Variants in MAP2 observed in about 807,000 individuals in gnomAD.
MAP2 encodes microtubule associated protein 2.
Under a neutral mutation model 137.6 loss-of-function variants are expected in MAP2, and 14 were observed. The observed-to-expected ratio is 0.10, with a 90% CI of 0.07 to 0.16. MAP2 has a LOEUF of 0.16. MAP2 is among the 10% of genes least tolerant of loss of function. The pLI is 1.00. For synonymous variants in MAP2, 786 were observed against 782.3 expected, an observed-to-expected ratio of 1.00 and a Z score of -0.08; for missense variants, 2,088 against 2,191.5, an observed-to-expected ratio of 0.95 and a Z score of 0.94.
intron 11 of MAP2, 48 bp from the exon 12 acceptor site, chr2:209,705,532 A>G: frequency 6.6e-7 from 1 of 1,508,132 alleles, no homozygotes; most frequent in Non-Finnish European, 8.9e-7. Flanking sequence ...CTTCGTATAA[A>G]TTAAAGAGTT....
At chr2:209,467,160 T>C (rs1365876791) in intron 1 of MAP2, among the ~76,000 whole-genome samples, 2 of 152,242 alleles carry the variant, frequency 1.3e-5, no homozygotes, top group African/African-American at 4.8e-5. Flanking sequence ...TGTCACTTCT[T>C]ACCTTTGCTA....
chr2:209,652,639 T>A lies in MAP2; in HGVS notation c.-29-503T>A, dbSNP rs553019172. Among the ~76,000 whole-genome samples, 19 of 152,312 alleles carry A rather than the reference T, an allele frequency of 1.2e-4. No individual in the cohort carries two copies. In the South Asian group the frequency reaches 3.7e-3, roughly 30 times the overall value. On this transcript the variant is annotated intron_variant, in intron 4 of 15. Transcript: ENST00000682079. ...CTTTTCTAGATCTCACTAAAAGTCA[T>A]GATTTAAGAGAGTACATGGGATAAT...
chr2:209,506,801 C>G (rs962195021), intron 1 of MAP2, among the ~76,000 whole-genome samples: 2 of 152,120 alleles, frequency 1.3e-5, no homozygotes, highest in African/African-American at 4.8e-5. Context: ...TGATTGTCGA[C>G]CCAGGACTAA....
intron 1 of MAP2, among the ~76,000 whole-genome samples, chr2:209,457,985 T>A (rs72997604): frequency 2.6e-5 from 4 of 152,038 alleles, no homozygotes; most frequent in Admixed American, 1.3e-4. Context: ...GACTGCCAAC[T>A]TTTTTTTGTT....
At position 209,586,514 on chromosome 2, in the gene MAP2, G is replaced by A. The variant is rs78981630; in HGVS notation, c.-107+6414G>A. The stretch of plus-strand genomic sequence containing the variant: ...TAATTGAATACCTAATTCCATTCCC[G>A]TTTCCTGCCCTTATGGAACTTTCCT... On this transcript the variant is annotated intron_variant, in intron 3 of 15. Coordinates refer to ENST00000682079, the MANE Select transcript of MAP2 (RefSeq NM_001375505.1). Among the ~76,000 whole-genome samples the A allele has an allele frequency of 9.2e-3, 1,403 of 152,184 alleles. 23 individuals are homozygous for A. The highest frequency in any genetic ancestry group is 0.031 in the African/African-American group (1,296 of 41,524).
chr2:209,633,679 G>A (rs188997239), intron 4 of MAP2, among the ~76,000 whole-genome samples: 13 of 152,096 alleles, frequency 8.5e-5, no homozygotes, highest in African/African-American at 3.1e-4. Context: ...AAAAGACTAG[G>A]TTTGTAGTCA....
At chr2:209,580,516 C>G (rs1308327873) in intron 3 of MAP2, among the ~76,000 whole-genome samples, 5 of 152,098 alleles carry the variant, frequency 3.3e-5, no homozygotes, top group East Asian at 3.8e-4. Flanking sequence ...CCTTGCCCTT[C>G]CCAGGTAGAA....
chr2:209,705,778 A>C, intron 12 of MAP2, 51 bp downstream of exon 12: 1 of 1,432,706 alleles, frequency 7.0e-7, no homozygotes. Context: ...TAAATCCTTT[A>C]AGTGGAATAG....
At chr2:209,434,908 GTTATATATA>G (rs1418075320) in intron 1 of MAP2, among the ~76,000 whole-genome samples, 23 of 132,364 alleles carry the variant, frequency 1.7e-4, no homozygotes, top group East Asian at 1.3e-3. Flanking sequence ...ATATATATAT[GTTATATATA>G]TGTTATATAT....
intron 3 of MAP2, among the ~76,000 whole-genome samples, chr2:209,612,814 A>G (rs996467994): frequency 1.3e-5 from 2 of 152,226 alleles, no homozygotes; most frequent in African/African-American, 4.8e-5. Context: ...AACAAGTTTT[A>G]CAGGAAATCT....
intron 4 of MAP2, among the ~76,000 whole-genome samples, chr2:209,632,409 T>C (rs1165590574): frequency 2.0e-5 from 3 of 152,134 alleles, no homozygotes; most frequent in African/African-American, 7.2e-5. Context: ...GAATCATGCC[T>C]ATCATGAACC....
rs1168046268 is a variant in MAP2 at position 209,733,431 on chromosome 2, G to A, written c.*3034G>A. ...GCTGAAGAGAGAATGCCATTAAATG[G>A]AAGAATGTACTGATTGTAGTGACCT... On this transcript the variant is annotated 3_prime_UTR_variant, in exon 16 of 16. Transcript: ENST00000682079. 1 of 148,706 alleles carries A rather than the reference G, an allele frequency of 6.7e-6. No homozygotes were observed. Among genetic ancestry groups the A allele is most frequent in the African/African-American group, 2.5e-5 (1 of 39,594 alleles). The allele number at this position is 148,706 out of a possible 1,614,324, so 9.2% of individuals were successfully genotyped here.
At chr2:209,527,973 G>C (rs988013136) in intron 2 of MAP2, among the ~76,000 whole-genome samples, 5 of 152,130 alleles carry the variant, frequency 3.3e-5, no homozygotes, top group African/African-American at 1.2e-4. Flanking sequence ...GATCCAAAAA[G>C]ATTCATATTA....
intron 4 of MAP2, among the ~76,000 whole-genome samples, chr2:209,637,453 G>A (rs1438067673): frequency 6.6e-6 from 1 of 151,846 alleles, no homozygotes; most frequent in African/African-American, 2.4e-5. Context: ...GATGAGATAA[G>A]ACAAGATAAG....
chr2:209,688,221 G>A (rs567914110), intron 7 of MAP2, among the ~76,000 whole-genome samples: 18 of 152,268 alleles, frequency 1.2e-4, no homozygotes, highest in African/African-American at 3.8e-4. Flanking sequence ...GAGAGAAAGA[G>A]AGAGAGAAGC....
chr2:209,493,492 G>A (rs1324651484), intron 1 of MAP2, among the ~76,000 whole-genome samples: 1 of 152,160 alleles, frequency 6.6e-6, no homozygotes, highest in Admixed American at 6.5e-5. Context: ...TCATCAGAGT[G>A]AACAGGCAAC....
chr2:209,555,581 A>G (rs1578107717), intron 2 of MAP2, among the ~76,000 whole-genome samples: 1 of 152,222 alleles, frequency 6.6e-6, no homozygotes, highest in Non-Finnish European at 1.5e-5. Context: ...GGGCTTATCT[A>G]TACATTTTCA....
At chr2:209,467,267 A>C (rs1056359409) in intron 1 of MAP2, among the ~76,000 whole-genome samples, 3 of 152,076 alleles carry the variant, frequency 2.0e-5, no homozygotes, top group African/African-American at 4.8e-5. Flanking sequence ...ATTTCTGTTC[A>C]GTTTCTACCC....
intron 14 of MAP2, among the ~76,000 whole-genome samples, chr2:209,727,088 C>T (rs1045833026): frequency 5.3e-5 from 8 of 152,178 alleles, no homozygotes; most frequent in African/African-American, 1.9e-4. Context: ...ATCTGGAAAT[C>T]AGGATTCATT....
Sources: allele counts gnomAD v4.1 joint callset (sites outside exome capture counted in the v4.1 genomes callset), GRCh38; gene constraint gnomAD v4.1.1; transcripts MANE v1.5; gene names NCBI Gene and HGNC (gene_info 2026-07-23, HGNC 2026-07-21).